The following NELL1 variants were observed in gnomAD, a reference collection of about 807,000 sequenced individuals.
The protein encoded by NELL1 is protein kinase C-binding protein NELL1.
A neutral mutation model predicts 107.4 loss-of-function variants in NELL1; 76 were observed. The observed-to-expected ratio is 0.71, with a 90% CI of 0.59 to 0.86. The LOEUF is 0.86. NELL1 is among the 40% of genes least tolerant of loss of function. The pLI, the probability that NELL1 is intolerant of heterozygous loss-of-function variation, is 0.00. For missense variants in NELL1, 1,024 were observed against 1,005.5 expected (o/e 1.02, Z -0.25); for synonymous variants, 353 against 341.2 (o/e 1.03, Z -0.38).
At chr11:20,793,698 C>T (rs1269619453) in intron 3 of NELL1, among the ~76,000 whole-genome samples, 4 of 152,142 alleles carry the variant, frequency 2.6e-5, no homozygotes, top group South Asian at 2.1e-4. Context: ...TTCTATAGCT[C>T]TTAATTTCAT....
intron 2 of NELL1, among the ~76,000 whole-genome samples, chr11:20,695,569 TTTTC>T (rs150340923): frequency 0.022 from 3,274 of 152,198 alleles, 127 homozygotes; most frequent in African/African-American, 0.075. Context: ...TCTGTTTTAG[TTTTC>T]TTTATGTGGT....
chr11:20,898,485 G>T (rs1849800011), intron 5 of NELL1, among the ~76,000 whole-genome samples: 1 of 151,802 alleles, frequency 6.6e-6, no homozygotes, highest in South Asian at 2.1e-4. Context: ...ATGAGTTACT[G>T]GGTACAGCAC....
chr11:21,010,532 A>G (rs1852424190), intron 12 of NELL1, among the ~76,000 whole-genome samples: 1 of 152,128 alleles, frequency 6.6e-6, no homozygotes, highest in African/African-American at 2.4e-5. Context: ...TTGACCTAAC[A>G]GCTGACTGAA....
intron 2 of NELL1, among the ~76,000 whole-genome samples, chr11:20,778,265 G>T (rs1031413044): frequency 1.6e-4 from 24 of 152,096 alleles, no homozygotes; most frequent in Non-Finnish European, 2.6e-4. Context: ...TTGCTTACGT[G>T]TCTATCCTCT....
At chr11:21,513,685 T>C (rs1400563395) in intron 15 of NELL1, among the ~76,000 whole-genome samples, 3 of 152,204 alleles carry the variant, frequency 2.0e-5, no homozygotes, top group Non-Finnish European at 4.4e-5. Context: ...GAGCATGGAC[T>C]CTGAAATCTG....
chr11:21,088,707 G>T (rs117571132), intron 12 of NELL1, among the ~76,000 whole-genome samples: 4 of 152,082 alleles, frequency 2.6e-5, no homozygotes, highest in Admixed American at 6.6e-5. Context: ...CATACCTCAC[G>T]TCTAATTTTT....
intron 2 of NELL1, among the ~76,000 whole-genome samples, chr11:20,734,781 G>A (rs1855722622): frequency 6.6e-6 from 1 of 152,184 alleles, no homozygotes; most frequent in African/African-American, 2.4e-5. Context: ...ATCAGCACAA[G>A]TGTGATATTT....
In NELL1 at chr11:21,547,518, A is replaced by G. The variant is rs557147712; in HGVS notation, c.1787-12671A>G. Among the ~76,000 whole-genome samples, 46 of 152,056 alleles carry G rather than the reference A, an allele frequency of 3.0e-4. No homozygotes were observed. The South Asian group carries it at 7.0e-3, about 23-fold the overall frequency. Reference sequence around the variant, plus strand: ...TTTTGTTTCATAATATCAGTGTTATATAATATTGTTGTGAAAATGTGATCA... The same window carrying G: ...TTTTGTTTCATAATATCAGTGTTATGTAATATTGTTGTGAAAATGTGATCA... On this transcript the variant is annotated intron_variant, in intron 16 of 19. Transcript: ENST00000357134.
intron 11 of NELL1, among the ~76,000 whole-genome samples, chr11:20,948,819 A>G (rs1851016437): frequency 6.6e-6 from 1 of 151,612 alleles, no homozygotes; most frequent in Non-Finnish European, 1.5e-5. Flanking sequence ...TTTTAAAACT[A>G]TATCTACCAT....
intron 3 of NELL1, among the ~76,000 whole-genome samples, chr11:20,796,283 T>C (rs1331339595): frequency 6.6e-6 from 1 of 152,224 alleles, no homozygotes; most frequent in Non-Finnish European, 1.5e-5. Context: ...TTTACCTTCT[T>C]AATTACAGAT....
intron 14 of NELL1, among the ~76,000 whole-genome samples, chr11:21,251,920 C>T (rs989699888): frequency 2.6e-5 from 4 of 151,940 alleles, no homozygotes; most frequent in African/African-American, 9.7e-5. Flanking sequence ...TTCAGACTAC[C>T]GGAAAATCAA....
intron 3 of NELL1, among the ~76,000 whole-genome samples, chr11:20,844,065 C>G (rs543166058): frequency 6.6e-6 from 1 of 152,146 alleles, no homozygotes; most frequent in African/African-American, 2.4e-5. Context: ...TCAGTGTAGG[C>G]GTAGTTGTGC....
At chr11:21,035,748 C>T (rs1853076345) in intron 12 of NELL1, among the ~76,000 whole-genome samples, 1 of 152,098 alleles carries the variant, frequency 6.6e-6, no homozygotes. Flanking sequence ...ATGATAGGAG[C>T]CATCTATGAC....
intron 15 of NELL1, among the ~76,000 whole-genome samples, chr11:21,511,833 T>C (rs1232108023): frequency 6.6e-6 from 1 of 152,120 alleles, no homozygotes; most frequent in Admixed American, 6.6e-5. Context: ...GTCTAGATCT[T>C]ATAGGGAGTC....
intron 3 of NELL1, among the ~76,000 whole-genome samples, chr11:20,812,497 C>T (rs77742816): frequency 0.083 from 12,681 of 152,226 alleles, 573 homozygotes; most frequent in Middle Eastern, 0.18. Context: ...AGAATTCCCT[C>T]TAATTCAGTT....
intron 1 of NELL1, among the ~76,000 whole-genome samples, chr11:20,673,447 T>C (rs549793705): frequency 2.6e-5 from 4 of 152,272 alleles, no homozygotes; most frequent in African/African-American, 9.6e-5. Context: ...GCTTCCACCA[T>C]GGACAATGAG....
At chr11:21,327,939 C>T (rs1850182504) in intron 14 of NELL1, among the ~76,000 whole-genome samples, 1 of 152,002 alleles carries the variant, frequency 6.6e-6, no homozygotes. Context: ...GAAGAAATTT[C>T]TAAGCAGGAA....
At chr11:21,181,909 TAA>T (rs1856835575) in intron 13 of NELL1, among the ~76,000 whole-genome samples, 1 of 151,934 alleles carries the variant, frequency 6.6e-6, no homozygotes, top group Non-Finnish European at 1.5e-5. Flanking sequence ...GCTGAATTTT[TAA>T]TAGTGTTTCT....
At chr11:21,170,071 G>C in intron 13 of NELL1, 5 of 1,062,260 alleles carry the variant, frequency 4.7e-6, no homozygotes, top group Non-Finnish European at 5.7e-6. Context: ...CCAGCCTCTT[G>C]GAGTCCAAGT....
Sources: gnomAD v4.1 joint callset for allele counts (sites outside exome capture counted in the v4.1 genomes callset) on GRCh38, gnomAD v4.1.1 for gene constraint, MANE v1.5 for transcripts, NCBI Gene and HGNC (gene_info 2026-07-23, HGNC 2026-07-21) for gene names.